The following KMT2D variants were observed in gnomAD, a reference collection of about 807,000 sequenced individuals.
KMT2D encodes lysine methyltransferase 2D.
KMT2D carries 55 observed loss-of-function variants against 512.7 expected under a neutral mutation model. The ratio of observed to expected loss-of-function variants is 0.11; its 90% CI spans 0.09 to 0.13. The LOEUF (loss-of-function observed/expected upper bound fraction) is 0.13, where lower values mean the gene tolerates loss of function less well. Among genes scored for constraint, KMT2D ranks in the 10% least tolerant of loss-of-function variants. KMT2D has a pLI of 1.00. For synonymous variants in KMT2D, 2,995 were observed against 2,904.0 expected, an observed-to-expected ratio of 1.03 and a Z score of -1.01; for missense variants, 6,061 against 7,127.9, an observed-to-expected ratio of 0.85 and a Z score of 5.39.
intron 1 of KMT2D, 101 bp from the exon 2 acceptor site, chr12:49,055,462 A>G: frequency 2.9e-6 from 2 of 689,810 alleles, no homozygotes; most frequent in East Asian, 2.7e-5. Flanking sequence ...TCCAGACATC[A>G]GAGCAAAGCC....
chr12:49,024,467 C>T lies in KMT2D; in HGVS notation c.16052+111G>A. The T allele has an allele frequency of 7.2e-7, 1 of 1,396,168 alleles. No homozygotes were observed. Among genetic ancestry groups the T allele is most frequent in the Admixed American group, 2.4e-5 (1 of 42,290 alleles). 86.5% of individuals were successfully genotyped at this position (1,396,168 alleles called of 1,614,324 possible). On this transcript the variant is annotated intron_variant, in intron 51 of 54. Transcript: ENST00000301067. This position sits in a 1 kb window ranked among gnomAD's most constrained non-coding sequence, Gnocchi z 4.5. Reference sequence around the variant, plus strand: ...AATTAGGAAGTCTAAGAGTGATTCCCCATTTTCTCCACGGGAACTCTGATC... The same window carrying T: ...AATTAGGAAGTCTAAGAGTGATTCCTCATTTTCTCCACGGGAACTCTGATC...
At chr12:49,025,412 A>G (rs1473454132) in intron 49 of KMT2D, among the ~76,000 whole-genome samples, 1 of 152,254 alleles carries the variant, frequency 6.6e-6, no homozygotes, top group East Asian at 1.9e-4. Context: ...CTAGATGCAC[A>G]TACTTACCGT....
At position 49,054,646 on chromosome 12, in the gene KMT2D, A is replaced by G. The variant is rs1416559861; in HGVS notation, c.282T>C (p.Cys94=). 6.2e-7 allele frequency: 1 copy of G among 1,612,870 alleles called. No individual in the cohort carries two copies. Among genetic ancestry groups the G allele is most frequent in the East Asian group, 2.2e-5 (1 of 44,868 alleles). Residue 94 remains cysteine, a synonymous_variant, in exon 4 of 55, where the codon TGT becomes TGC. Transcript: ENST00000301067. This position sits in a 1 kb window ranked among gnomAD's most constrained non-coding sequence, Gnocchi z 6.4. ...GGCTCCCCCCAGGGGACACCACTGGACACCGGGGCCAATCAAATGGCAACT... is the reference window on the plus strand; with the variant it reads ...GGCTCCCCCCAGGGGACACCACTGGGCACCGGGGCCAATCAAATGGCAACT... ...RFELPFDWPR[C]PVVSPGGSPG...
rs1943259192 is a variant in KMT2D, at chr12:49,037,138, G to A, written c.10218C>T (p.Phe3406=). The A allele has an allele frequency of 6.3e-7, 1 of 1,575,062 alleles. No individual in the cohort carries two copies. The highest frequency in any genetic ancestry group is 8.7e-7 in the Non-Finnish European group (1 of 1,155,120). ...LAMQQQLANS[F]FPDTDLDKFA... is the part of the protein sequence containing the mutation. ...AGCTGAGGTTACCTGTATCTGGGAAGAAGCTGTTTGCCAGCTGCTGCTGCA... is the reference window on the plus strand; with the variant it reads ...AGCTGAGGTTACCTGTATCTGGGAAAAAGCTGTTTGCCAGCTGCTGCTGCA... Residue 3406 remains phenylalanine, a synonymous_variant, in exon 35 of 55, where the codon TTC becomes TTT. Transcript: ENST00000301067.
chr12:49,048,828 T>C, intron 13 of KMT2D, 59 bp from the exon 14 acceptor site: 1 of 1,173,340 alleles, frequency 8.5e-7, no homozygotes. Context: ...CCAAGCTACT[T>C]TCCTCTTTGG....
chr12:49,051,605 G>C lies in KMT2D; in HGVS notation c.2078C>G (p.Pro693Arg), dbSNP rs76663644. 2 of 1,588,516 alleles carry C rather than the reference G, an allele frequency of 1.3e-6. No individual in the cohort carries two copies. Among genetic ancestry groups the C allele is most frequent in the Non-Finnish European group, 1.7e-6 (2 of 1,164,744 alleles). ...PPEASRLSPP[P>R]EDSPTSPPPE... Reference sequence around the variant, plus strand: ...TGGTGGGGATGTGGGGGAGTCCTCAGGTGGTGGGGAGAGGCGTGAAGCCTC... The same window carrying C: ...TGGTGGGGATGTGGGGGAGTCCTCACGTGGTGGGGAGAGGCGTGAAGCCTC... Residue 693 changes from proline to arginine, a missense_variant, in exon 11 of 55, where the codon CCT (proline) becomes CGT (arginine). Physicochemically the swap from Pro to Arg is moderately radical, Grantham distance 103. Around this residue, in one of 16 missense-constraint regions of KMT2D, gnomAD observed 848 missense variants for 838.5 expected, o/e 1.01. Transcript: ENST00000301067.
Position 49,041,808 on chromosome 12 carries a change from T to C in KMT2D, c.6184-103A>G, listed in dbSNP as rs1943545356. 4 of 1,523,450 alleles carry C rather than the reference T, an allele frequency of 2.6e-6. No homozygotes were observed. The highest frequency in any genetic ancestry group is 1.2e-5 in the South Asian group (1 of 84,236). 94.4% of individuals were successfully genotyped at this position (1,523,450 alleles called of 1,614,324 possible). ...TCCCTACCCAGAAGCAGATCCCTTCTGGCCCAGCTGCTTTAGGAGTGGGGA... is the reference window on the plus strand; with the variant it reads ...TCCCTACCCAGAAGCAGATCCCTTCCGGCCCAGCTGCTTTAGGAGTGGGGA... On this transcript the variant is annotated intron_variant, in intron 30 of 54. Transcript: ENST00000301067. The surrounding 1 kb of genome is among the most constrained non-coding windows in gnomAD (Gnocchi z 5.4).
rs761700549 is a variant in KMT2D at position 49,026,509 on chromosome 12, G to A, written c.15457C>T (p.Arg5153Trp). The change falls in exon 49 of 55, where the codon CGG (arginine) becomes TGG (tryptophan). Residue 5153 changes from arginine to tryptophan, a missense_variant. Around this residue, in one of 16 missense-constraint regions of KMT2D, gnomAD observed 261 missense variants for 440.7 expected, o/e 0.59. Coordinates refer to ENST00000301067, the MANE Select transcript of KMT2D (RefSeq NM_003482.4). The surrounding 1 kb of genome is among the most constrained non-coding windows in gnomAD (Gnocchi z 9.6). ...TCGTCCCGCTCAATGTAGACCCGCC[G>A]GAAGACAGCAAAAGAGCTCAGCTCT... ...EQELSSFAVF[R>W]RVYIERDEVK... is the part of the protein sequence containing the mutation. 1 of 1,613,894 alleles carries A rather than the reference G, an allele frequency of 6.2e-7. No homozygotes were observed. Among genetic ancestry groups the A allele is most frequent in the Non-Finnish European group, 8.5e-7 (1 of 1,179,886 alleles).
chr12:49,045,131 C>T (rs576489788), intron 19 of KMT2D, among the ~76,000 whole-genome samples, 166 bp from the exon 20 acceptor site: 1 of 152,088 alleles, frequency 6.6e-6, no homozygotes, highest in African/African-American at 2.4e-5. Flanking sequence ...GGCTGAGGCC[C>T]GAGTTCTCTG....
In KMT2D at chr12:49,050,416, T is replaced by C; in HGVS notation, c.3172A>G (p.Ile1058Val). The C allele has an allele frequency of 1.2e-6, 2 of 1,613,712 alleles. No individual in the cohort carries two copies. The highest frequency in any genetic ancestry group is 1.6e-4 in the Middle Eastern group (1 of 6,062). The part of the protein sequence containing the change: ...PLSVPSPLSP[I>V]GKVVGVSDEA... ...TCTGAGACCCCCACTACCTTCCCTA[T>C]GGGACTCAACGGGGAGGGAACGGAC... is the stretch of plus-strand genomic sequence containing the variant. Residue 1058 changes from isoleucine (I) to valine (V), a missense_variant, in exon 12 of 55, where the codon ATA becomes GTA. By Grantham distance (29) the Ile-to-Val change is conservative. Around this residue, in one of 16 missense-constraint regions of KMT2D, gnomAD observed 447 missense variants for 500.1 expected, o/e 0.89. Coordinates refer to ENST00000301067, the MANE Select transcript of KMT2D (RefSeq NM_003482.4).
Position 49,042,023 on chromosome 12 carries a change from T to G in KMT2D, c.6110-33A>C, listed in dbSNP as rs760645298. 72 of 1,611,740 alleles carry G rather than the reference T, an allele frequency of 4.5e-5. 2 individuals carry two copies. The South Asian group carries it at 6.6e-4, about 15-fold the overall frequency. On this transcript the variant is annotated intron_variant, in intron 29 of 54. Transcript: ENST00000301067. The surrounding 1 kb of genome is among the most constrained non-coding windows in gnomAD (Gnocchi z 4.4). ...GCAGAGAGAGTGAGTCAGAGAAGAC[T>G]TGGCAGGCGACTCCTCCACCTGCCA...
At chr12:49,045,898 A>C in intron 19 of KMT2D, 22 bp downstream of exon 19, 1 of 1,599,340 alleles carries the variant, frequency 6.3e-7, no homozygotes, top group East Asian at 2.2e-5. Flanking sequence ...TGGCTTTGGC[A>C]TTCAAAATTT....
At chr12:49,045,569 G>A (rs964657115) in intron 19 of KMT2D, among the ~76,000 whole-genome samples, 9 of 151,670 alleles carry the variant, frequency 5.9e-5, no homozygotes, top group Non-Finnish European at 8.8e-5. Context: ...GCGTGAACCC[G>A]GGAGGCAAAG....
chr12:49,030,703 A>G lies in KMT2D; in HGVS notation c.13737T>C (p.Phe4579=), dbSNP rs2120407028. ...ITANFSLFAP[F]GSGCPVNGQS... ...GCCCATTGACTGGGCAGCCACTGCC[A>G]AAGGGGGCAAAGAGGCTAAAATTGG... Residue 4579 remains phenylalanine (F), a synonymous_variant, in exon 42 of 55, where the codon TTT becomes TTC. Transcript: ENST00000301067. 1.2e-6 allele frequency: 2 copies of G among 1,613,626 alleles called. No individual in the cohort carries two copies. Among genetic ancestry groups the G allele is most frequent in the Non-Finnish European group, 1.7e-6 (2 of 1,179,862 alleles).
At chr12:49,036,915 A>G (rs1375856653) in intron 35 of KMT2D, among the ~76,000 whole-genome samples, 1 of 152,194 alleles carries the variant, frequency 6.6e-6, no homozygotes, top group African/African-American at 2.4e-5. Context: ...TTATTCAAAC[A>G]TCTGCTACAT....
chr12:49,028,246 A>G lies in KMT2D; in HGVS notation c.14383-105T>C, dbSNP rs1942711706. On this transcript the variant is annotated intron_variant, in intron 46 of 54. Transcript: ENST00000301067. The stretch of plus-strand genomic sequence containing the variant: ...CAAGGACACCTAGAACCCACTCCCC[A>G]GGGTAGTTCTATCCTATGTCACCCA... 34 of 1,382,088 alleles carry G rather than the reference A, an allele frequency of 2.5e-5. No individual in the cohort carries two copies. In the South Asian group the frequency reaches 3.9e-4, roughly 16 times the overall value. The allele number at this position is 1,382,088 out of a possible 1,614,324, so 85.6% of individuals were successfully genotyped here. A position where few individuals can be genotyped will look rare whatever the true frequency, so the allele number is the denominator to read the frequency against.
rs574231443 is a variant in KMT2D at position 49,041,336 on chromosome 12, G to A, written c.6434C>T (p.Pro2145Leu). ...LSTSADGFLK[P>L]PAGSVPGPDS... ...AGGGCCAGGCACCGAGCCCGCCGGCGGCTTCAGGAACCCGTCCGCAGAGGT... is the reference window on the plus strand; with the variant it reads ...AGGGCCAGGCACCGAGCCCGCCGGCAGCTTCAGGAACCCGTCCGCAGAGGT... The change falls in exon 32 of 55, where the codon CCG (proline) becomes CTG (leucine). Residue 2145 changes from proline (P) to leucine (L), a missense_variant. Transcript: ENST00000301067. This position sits in a 1 kb window ranked among gnomAD's most constrained non-coding sequence, Gnocchi z 5.4. The A allele has an allele frequency of 7.8e-5, 120 of 1,546,398 alleles. 3 individuals carry two copies. The South Asian group carries it at 1.2e-3, about 16-fold the overall frequency.
rs1942236848 is a variant in KMT2D at position 49,020,141 on chromosome 12, G to C, written c.*1639C>G. On this transcript the variant is annotated 3_prime_UTR_variant, in exon 55 of 55. Transcript: ENST00000301067. Reference sequence around the variant, plus strand: ...CACAAGCTTGGGCAGAAAGGGGAAGGAAAGGGAGGCAAGGAACCCATCACC... The same window carrying C: ...CACAAGCTTGGGCAGAAAGGGGAAGCAAAGGGAGGCAAGGAACCCATCACC... The C allele has an allele frequency of 5.4e-6, 1 of 186,138 alleles. No homozygotes were observed. The highest frequency in any genetic ancestry group is 1.1e-5 in the Non-Finnish European group (1 of 87,796). 11.5% of individuals were successfully genotyped at this position (186,138 alleles called of 1,614,324 possible).
rs2120583044 is a variant in KMT2D, at chr12:49,044,406, G to C, written c.5080C>G (p.Pro1694Ala). The C allele has an allele frequency of 8.1e-6, 13 of 1,613,932 alleles. No homozygotes were observed. The highest frequency in any genetic ancestry group is 1.1e-5 in the Non-Finnish European group (13 of 1,179,864). The stretch of plus-strand genomic sequence containing the variant: ...CAACCCCATCCCAGGACCTCACCAG[G>C]CCGATATGGTTTACGCTTGCGTTTT... Reference protein sequence around the residue: ...SKKRKRKPYRPGIGGFMVRQR... With the variant: ...SKKRKRKPYRAGIGGFMVRQR... The change falls in exon 21 of 55, where the codon CCT becomes GCT. Residue 1694 changes from proline (P) to alanine (A), a missense_variant. This residue lies in a region of KMT2D where 640 missense variants were observed against 814.3 expected (regional missense o/e 0.79). Transcript: ENST00000301067. The surrounding 1 kb of genome is among the most constrained non-coding windows in gnomAD (Gnocchi z 6.4).
Sources: allele counts gnomAD v4.1 joint callset (sites outside exome capture counted in the v4.1 genomes callset), GRCh38; gene constraint gnomAD v4.1.1; regional missense constraint gnomAD v4.1.1; non-coding constraint Gnocchi (gnomAD v3.1); transcripts MANE v1.5; gene names NCBI Gene and HGNC (gene_info 2026-07-23, HGNC 2026-07-21).